Variants in ADAMTS12 observed in about 807,000 individuals in gnomAD.
ADAMTS12 encodes the protein A disintegrin and metalloproteinase with thrombospondin motifs 12.
ADAMTS12 carries 118 observed loss-of-function variants against 167.8 expected under a neutral mutation model. That is an observed-to-expected ratio of 0.70 (90% CI 0.61 to 0.82). The LOEUF is 0.82. Ranked by LOEUF, ADAMTS12 falls within the 40% of genes least tolerant of loss-of-function variation. The pLI, the probability that ADAMTS12 is intolerant of heterozygous loss-of-function variation, is 0.00. For synonymous variants in ADAMTS12, 704 were observed against 716.9 expected (o/e 0.98, Z 0.29); for missense variants, 1,916 against 1,998.8 (o/e 0.96, Z 0.79).
chr5:33,669,940 G>C (rs1159099566), intron 5 of ADAMTS12, among the ~76,000 whole-genome samples: 1 of 151,894 alleles, frequency 6.6e-6, no homozygotes, highest in Non-Finnish European at 1.5e-5. Context: ...AGGAACCTAG[G>C]GATAGGCAAA....
In ADAMTS12 at chr5:33,778,027, CATAA is replaced by C. The variant is rs150512307; in HGVS notation, c.490-26483_490-26480del. 6.9e-3 allele frequency among the ~76,000 whole-genome samples: 1,044 copies of C among 151,946 alleles called. 12 individuals are homozygous for C. The highest frequency in any genetic ancestry group is 0.024 in the African/African-American group (990 of 41,486). ...CACTGATGAAAGAAATTGAAAAAGACATAAATAAATGGAAAGATATCTCATGTTC... is the reference window on the plus strand; with the variant it reads ...CACTGATGAAAGAAATTGAAAAAGACATAAATGGAAAGATATCTCATGTTC... On this transcript the variant is annotated intron_variant, in intron 2 of 23. Transcript: ENST00000504830.
At chr5:33,717,219 C>T (rs1743647801) in intron 3 of ADAMTS12, among the ~76,000 whole-genome samples, 1 of 151,912 alleles carries the variant, frequency 6.6e-6, no homozygotes, top group East Asian at 1.9e-4. Flanking sequence ...GACGGATTTG[C>T]ATGACTTATC....
chr5:33,815,623 T>C (rs1298218070), intron 2 of ADAMTS12, among the ~76,000 whole-genome samples: 1 of 152,188 alleles, frequency 6.6e-6, no homozygotes, highest in Non-Finnish European at 1.5e-5. Context: ...TAGAGGATTA[T>C]GGGGAACAGA....
intron 2 of ADAMTS12, among the ~76,000 whole-genome samples, chr5:33,785,339 A>C (rs1746288768): frequency 6.6e-6 from 1 of 152,170 alleles, no homozygotes; most frequent in East Asian, 1.9e-4. Flanking sequence ...CAAAATCGCA[A>C]ACTTTGCTCT....
chr5:33,700,598 C>A (rs2112296706), intron 3 of ADAMTS12, among the ~76,000 whole-genome samples: 1 of 152,250 alleles, frequency 6.6e-6, no homozygotes, highest in Non-Finnish European at 1.5e-5. Context: ...GGGGCTGGAG[C>A]TGTTCAGTAT....
In ADAMTS12 at chr5:33,839,168, C is replaced by T. The variant is rs112488815; in HGVS notation, c.489+41951G>A. Among the ~76,000 whole-genome samples, 542 of 152,248 alleles carry T rather than the reference C, an allele frequency of 3.6e-3. 2 individuals carry two copies. The highest frequency in any genetic ancestry group is 5.9e-3 in the Non-Finnish European group (401 of 68,028). On this transcript the variant is annotated intron_variant, in intron 2 of 23. Transcript: ENST00000504830. ...GGGTAGGCTCCTTTAATCTTCTCTC[C>T]ATATGTGACTTTTAGAAAGGCACTT...
At chr5:33,581,736 C>A (rs1747074595) in intron 18 of ADAMTS12, among the ~76,000 whole-genome samples, 1 of 152,076 alleles carries the variant, frequency 6.6e-6, no homozygotes. Flanking sequence ...AATCCCAATG[C>A]CCCCAATCTC....
At chr5:33,728,403 T>G (rs1230413904) in intron 3 of ADAMTS12, among the ~76,000 whole-genome samples, 1 of 152,198 alleles carries the variant, frequency 6.6e-6, no homozygotes, top group Non-Finnish European at 1.5e-5. Flanking sequence ...GGATGAGACC[T>G]TGGTGGCAGG....
At chr5:33,548,702 G>A (rs898558936) in intron 21 of ADAMTS12, among the ~76,000 whole-genome samples, 1 of 148,868 alleles carries the variant, frequency 6.7e-6, no homozygotes, top group South Asian at 2.2e-4. Flanking sequence ...CATAAAGAGA[G>A]CACACACACA....
chr5:33,546,709 T>A (rs1181548961), intron 21 of ADAMTS12, among the ~76,000 whole-genome samples: 1 of 152,220 alleles, frequency 6.6e-6, no homozygotes, highest in East Asian at 1.9e-4. Flanking sequence ...AAATTCAAGA[T>A]GACAAGTCAG....
intron 17 of ADAMTS12, 102 bp downstream of exon 17, chr5:33,595,829 TAAC>T: frequency 2.7e-6 from 4 of 1,502,390 alleles, no homozygotes; most frequent in Non-Finnish European, 3.6e-6. Flanking sequence ...TTTATCCAAA[TAAC>T]AAAACCACAC....
chr5:33,755,085 C>T (rs1470748403), intron 2 of ADAMTS12, among the ~76,000 whole-genome samples: 1 of 152,170 alleles, frequency 6.6e-6, no homozygotes, highest in Non-Finnish European at 1.5e-5. Flanking sequence ...AGATCAATAA[C>T]ATCCCCCAAG....
chr5:33,883,242 T>C (rs537969610), intron 1 of ADAMTS12, among the ~76,000 whole-genome samples: 72 of 152,264 alleles, frequency 4.7e-4, no homozygotes, highest in African/African-American at 1.6e-3. Context: ...GTAAACACTA[T>C]TGCAGCTGGT....
At chr5:33,646,127 A>C (rs1740654389) in intron 9 of ADAMTS12, among the ~76,000 whole-genome samples, 1 of 152,178 alleles carries the variant, frequency 6.6e-6, no homozygotes, top group South Asian at 2.1e-4. Context: ...CATGGATTGC[A>C]AAAGAGGAGC....
chr5:33,640,892 C>T (rs1273606837), intron 11 of ADAMTS12, among the ~76,000 whole-genome samples: 1 of 150,354 alleles, frequency 6.7e-6, no homozygotes, highest in East Asian at 1.9e-4. Flanking sequence ...TATTTAAATA[C>T]TATACATCTA....
At chr5:33,612,167 C>T (rs1272928379) in intron 16 of ADAMTS12, among the ~76,000 whole-genome samples, 2 of 152,142 alleles carry the variant, frequency 1.3e-5, no homozygotes, top group East Asian at 1.9e-4. Flanking sequence ...GAGTAAGATT[C>T]GCCCTCACTC....
intron 2 of ADAMTS12, among the ~76,000 whole-genome samples, chr5:33,776,349 G>A (rs898314598): frequency 6.6e-6 from 1 of 152,098 alleles, no homozygotes; most frequent in African/African-American, 2.4e-5. Flanking sequence ...AATTTAAGAT[G>A]ACTAAAATTA....
At chr5:33,649,021 A>G (rs1055296301) in intron 8 of ADAMTS12, 55 bp from the exon 9 acceptor site, 4 of 1,590,174 alleles carry the variant, frequency 2.5e-6, no homozygotes, top group Non-Finnish European at 3.4e-6. Context: ...CTTTACCTTC[A>G]GCCTTTCATT....
intron 2 of ADAMTS12, among the ~76,000 whole-genome samples, chr5:33,834,030 C>A (rs1344499006): frequency 6.9e-6 from 1 of 145,406 alleles, no homozygotes; most frequent in African/African-American, 2.7e-5. Flanking sequence ...TGGAGGGCTT[C>A]TGAGGAAGAA....
Sources: allele counts gnomAD v4.1 joint callset (sites outside exome capture counted in the v4.1 genomes callset), GRCh38; gene constraint gnomAD v4.1.1; transcripts MANE v1.5; gene names NCBI Gene and HGNC (gene_info 2026-07-23, HGNC 2026-07-21).